Variants in CHSY1 observed in about 807,000 individuals in gnomAD.
CHSY1 encodes the protein N-acetylgalactosaminyl-proteoglycan 3-beta-glucuronosyltransferase 1.
In CHSY1, 13 loss-of-function variants were observed where a neutral mutation model predicts 59.8. That is an observed-to-expected ratio of 0.22 (90% CI 0.14 to 0.35). The LOEUF is 0.35. Ranked by LOEUF, CHSY1 falls within the 10% of genes least tolerant of loss-of-function variation. The probability of loss-of-function intolerance (pLI) is 1.00; values close to 1 mark genes in which losing one functional copy is unlikely to be tolerated. For missense variants in CHSY1, 947 were observed against 1,030.6 expected (o/e 0.92, Z 1.11); for synonymous variants, 459 against 401.2 (o/e 1.14, Z -1.72).
At chr15:101,180,324 T>A (rs1168002129) in intron 2 of CHSY1, among the ~76,000 whole-genome samples, 1 of 152,166 alleles carries the variant, frequency 6.6e-6, no homozygotes, top group African/African-American at 2.4e-5. Flanking sequence ...AGAGCAGAAT[T>A]ACAGGTCCTC....
At position 101,176,278 on chromosome 15, in the gene CHSY1, A is replaced by C; in HGVS notation, c.*1110T>G. 1 of 398,562 alleles carries C rather than the reference A, an allele frequency of 2.5e-6. No homozygotes were observed. Among genetic ancestry groups the C allele is most frequent in the Non-Finnish European group, 4.4e-6 (1 of 226,010 alleles). 24.7% of individuals were successfully genotyped at this position (398,562 alleles called of 1,614,324 possible). A position where few individuals can be genotyped will look rare whatever the true frequency, so the allele number is the denominator to read the frequency against. On this transcript the variant is annotated 3_prime_UTR_variant, in exon 3 of 3. Transcript: ENST00000254190. ...CAAAGGATAAAACAAAACAGTAATG[A>C]AAGAATGAAAACCATCTCCACCCAC... is the stretch of plus-strand genomic sequence containing the variant.
chr15:101,228,669 T>C (rs1223282543), intron 2 of CHSY1, among the ~76,000 whole-genome samples: 2 of 152,146 alleles, frequency 1.3e-5, no homozygotes, highest in African/African-American at 2.4e-5. Flanking sequence ...AATTAGGACA[T>C]TCCAAGAGAA....
chr15:101,222,204 C>T (rs1306424202), intron 2 of CHSY1, among the ~76,000 whole-genome samples: 1 of 152,174 alleles, frequency 6.6e-6, no homozygotes, highest in Non-Finnish European at 1.5e-5. Flanking sequence ...GCACAATATC[C>T]ACTTAGAGTC....
chr15:101,249,687 T>C (rs2039087828), intron 1 of CHSY1, among the ~76,000 whole-genome samples: 1 of 152,038 alleles, frequency 6.6e-6, no homozygotes, highest in Admixed American at 6.5e-5. Context: ...CTAATTTTTG[T>C]ACTCTTGAGT....
At chr15:101,191,667 A>G (rs2038447800) in intron 2 of CHSY1, among the ~76,000 whole-genome samples, 1 of 152,216 alleles carries the variant, frequency 6.6e-6, no homozygotes. Flanking sequence ...GTGCACGTGT[A>G]GGGGCAGGCG....
At chr15:101,226,451 C>T (rs1047525727) in intron 2 of CHSY1, among the ~76,000 whole-genome samples, 6 of 152,212 alleles carry the variant, frequency 3.9e-5, no homozygotes, top group African/African-American at 1.4e-4. Context: ...CAAGACCACA[C>T]AGCTAGTGAA....
chr15:101,191,877 TCATC>T (rs987383560), intron 2 of CHSY1, among the ~76,000 whole-genome samples: 44 of 152,122 alleles, frequency 2.9e-4, no homozygotes, highest in Middle Eastern at 3.4e-3. Context: ...TTTCCTTCCT[TCATC>T]CATCTATCTA....
At chr15:101,200,565 A>T (rs964385583) in intron 2 of CHSY1, among the ~76,000 whole-genome samples, 3 of 152,172 alleles carry the variant, frequency 2.0e-5, no homozygotes, top group Non-Finnish European at 2.9e-5. Flanking sequence ...TGAAAGATGC[A>T]CTGACTAAGA....
chr15:101,231,254 T>C (rs1007180725), intron 2 of CHSY1, among the ~76,000 whole-genome samples: 18 of 152,174 alleles, frequency 1.2e-4, no homozygotes, highest in Admixed American at 9.2e-4. Flanking sequence ...CGAACGTCCA[T>C]CAAAAAGACG....
At chr15:101,184,336 C>T (rs984077437) in intron 2 of CHSY1, among the ~76,000 whole-genome samples, 2 of 151,828 alleles carry the variant, frequency 1.3e-5, no homozygotes, top group African/African-American at 4.8e-5. Flanking sequence ...AAGTACCTTC[C>T]GGCTAAACTC....
chr15:101,179,761 G>A (rs1596420912), intron 2 of CHSY1, among the ~76,000 whole-genome samples: 1 of 152,190 alleles, frequency 6.6e-6, no homozygotes, highest in African/African-American at 2.4e-5. Context: ...GACGCACAGG[G>A]CTCACCATTC....
At chr15:101,243,961 A>G (rs2039027357) in intron 1 of CHSY1, among the ~76,000 whole-genome samples, 1 of 152,202 alleles carries the variant, frequency 6.6e-6, no homozygotes, top group African/African-American at 2.4e-5. Context: ...CAATGGCCTC[A>G]ACACCTACAG....
intron 2 of CHSY1, among the ~76,000 whole-genome samples, chr15:101,196,241 A>AC (rs1424965086): frequency 1.3e-5 from 2 of 152,044 alleles, no homozygotes; most frequent in Admixed American, 6.5e-5. Context: ...AAAAAAAAAA[A>AC]AAAAACATAT....
At chr15:101,196,927 ATTCAGTGAAC>A (rs1402153595) in intron 2 of CHSY1, among the ~76,000 whole-genome samples, 4 of 152,264 alleles carry the variant, frequency 2.6e-5, no homozygotes, top group African/African-American at 9.6e-5. Context: ...GACCCCAGCA[ATTCAGTGAAC>A]TACTGGTACA....
chr15:101,213,966 T>C (rs2038706610), intron 2 of CHSY1, among the ~76,000 whole-genome samples: 1 of 152,226 alleles, frequency 6.6e-6, no homozygotes, highest in Non-Finnish European at 1.5e-5. Flanking sequence ...TTCCCTCCAA[T>C]GAAAACTGGC....
chr15:101,218,539 T>C (rs1223118528), intron 2 of CHSY1, among the ~76,000 whole-genome samples: 1 of 152,210 alleles, frequency 6.6e-6, no homozygotes, highest in African/African-American at 2.4e-5. Flanking sequence ...CGCTTGAACC[T>C]GGGAGGCGGA....
At chr15:101,242,098 G>A (rs1045536113) in intron 1 of CHSY1, among the ~76,000 whole-genome samples, 1 of 152,112 alleles carries the variant, frequency 6.6e-6, no homozygotes, top group African/African-American at 2.4e-5. Context: ...CATGGATGGT[G>A]GAATCCACAG....
chr15:101,247,663 A>G (rs965066894), intron 1 of CHSY1, among the ~76,000 whole-genome samples: 2 of 152,042 alleles, frequency 1.3e-5, no homozygotes, highest in African/African-American at 4.8e-5. Context: ...CTGGTCTCTC[A>G]CCTGCTACAT....
intron 1 of CHSY1, among the ~76,000 whole-genome samples, chr15:101,239,339 T>C (rs1220457307): frequency 1.3e-5 from 2 of 152,210 alleles, no homozygotes; most frequent in Admixed American, 1.3e-4. Flanking sequence ...CACTGTAATG[T>C]TATTTGGGAG....
Sources: gnomAD v4.1 joint callset for allele counts (sites outside exome capture counted in the v4.1 genomes callset) on GRCh38, gnomAD v4.1.1 for gene constraint, MANE v1.5 for transcripts, NCBI Gene and HGNC (gene_info 2026-07-23, HGNC 2026-07-21) for gene names.